STAG1: variants seen among roughly 807,000 people sequenced by gnomAD.
STAG1 encodes the protein cohesin subunit SA-1.
In STAG1, 26 loss-of-function variants were observed where a neutral mutation model predicts 170.9. That is an observed-to-expected ratio of 0.15 (90% confidence interval 0.11 to 0.21). The LOEUF is 0.21. Ranked by LOEUF, STAG1 falls within the 10% of genes least tolerant of loss-of-function variation. The probability of loss-of-function intolerance (pLI) is 1.00; values close to 1 mark genes in which losing one functional copy is unlikely to be tolerated. For missense variants in STAG1, 964 were observed against 1,509.5 expected (o/e 0.64, Z 5.99); for synonymous variants, 514 against 497.7 (o/e 1.03, Z -0.44).
intron 5 of STAG1, among the ~76,000 whole-genome samples, chr3:136,551,032 A>G (rs533647245): frequency 1.1e-4 from 16 of 152,152 alleles, no homozygotes; most frequent in African/African-American, 3.9e-4. Context: ...CTCCTTTGTA[A>G]ATTACATTTC....
At chr3:136,562,291 G>A (rs1576609561) in intron 5 of STAG1, among the ~76,000 whole-genome samples, 2 of 145,360 alleles carry the variant, frequency 1.4e-5, no homozygotes, top group African/African-American at 2.6e-5. Flanking sequence ...ACAGAGTTTC[G>A]CTCCTGTTGC....
intron 9 of STAG1, among the ~76,000 whole-genome samples, chr3:136,496,368 G>T (rs1178869807): frequency 6.6e-6 from 1 of 152,044 alleles, no homozygotes; most frequent in Non-Finnish European, 1.5e-5. Context: ...GTATCTATAG[G>T]TATCTATTCA....
At chr3:136,673,537 A>G (rs1486385807) in intron 1 of STAG1, among the ~76,000 whole-genome samples, 3 of 152,192 alleles carry the variant, frequency 2.0e-5, no homozygotes, top group African/African-American at 7.2e-5. Flanking sequence ...GTGTGGTTTG[A>G]AAAACTGTAA....
intron 23 of STAG1, among the ~76,000 whole-genome samples, chr3:136,370,290 G>T (rs544171388): frequency 7.5e-4 from 114 of 152,220 alleles, no homozygotes; most frequent in Middle Eastern, 3.4e-3. Flanking sequence ...GGAGGTGGAA[G>T]ACACTGATAC....
intron 1 of STAG1, among the ~76,000 whole-genome samples, chr3:136,690,082 A>T (rs1053487813): frequency 6.7e-6 from 1 of 148,542 alleles, no homozygotes; most frequent in Non-Finnish European, 1.5e-5. Context: ...AAAAAAAAGT[A>T]AAGAAAAGAG....
At chr3:136,386,708 G>C (rs1463822229) in intron 22 of STAG1, among the ~76,000 whole-genome samples, 1 of 151,536 alleles carries the variant, frequency 6.6e-6, no homozygotes, top group Non-Finnish European at 1.5e-5. Flanking sequence ...TTTTTTTTTG[G>C]TATTTTTTTG....
rs577585310 is a variant in STAG1, at chr3:136,585,627, AAATT to A, written c.298-16770_298-16767del. ...TAATAATAATAATAATAAAAAAATA[AAATT>A]AATCAATTCCAATTTTTTCCTTTTC... On this transcript the variant is annotated intron_variant, in intron 4 of 33. Transcript: ENST00000383202. Among the ~76,000 whole-genome samples, 10 of 151,848 alleles carry A rather than the reference AAATT, an allele frequency of 6.6e-5. No homozygotes were observed. In the South Asian group the frequency reaches 1.9e-3, roughly 28 times the overall value.
At chr3:136,385,280 T>C (rs2086841730) in intron 22 of STAG1, among the ~76,000 whole-genome samples, 1 of 152,042 alleles carries the variant, frequency 6.6e-6, no homozygotes, top group African/African-American at 2.4e-5. Flanking sequence ...AAGACCTGTC[T>C]CTACAATATA....
intron 16 of STAG1, among the ~76,000 whole-genome samples, chr3:136,427,246 A>T (rs547592007): frequency 1.3e-5 from 2 of 152,116 alleles, no homozygotes; most frequent in Non-Finnish European, 2.9e-5. Context: ...AAAAAAAGAT[A>T]TAGTATTAAT....
intron 15 of STAG1, among the ~76,000 whole-genome samples, chr3:136,442,578 C>G (rs1478998722): frequency 6.6e-6 from 1 of 151,390 alleles, no homozygotes; most frequent in Non-Finnish European, 1.5e-5. Flanking sequence ...TGATTTTTAT[C>G]TTAAAGAAAA....
intron 7 of STAG1, among the ~76,000 whole-genome samples, chr3:136,516,847 G>C (rs762744942): frequency 6.6e-6 from 1 of 152,138 alleles, no homozygotes; most frequent in Non-Finnish European, 1.5e-5. Flanking sequence ...TTAAGGACTT[G>C]TCCAAGGTTA....
At chr3:136,467,179 G>C (rs140329089) in intron 12 of STAG1, among the ~76,000 whole-genome samples, 1 of 152,080 alleles carries the variant, frequency 6.6e-6, no homozygotes, top group Admixed American at 6.6e-5. Flanking sequence ...AAATGTAAAT[G>C]GGCTAAATGC....
At chr3:136,523,946 A>T (rs935171468) in intron 6 of STAG1, among the ~76,000 whole-genome samples, 4 of 148,422 alleles carry the variant, frequency 2.7e-5, no homozygotes, top group Admixed American at 6.9e-5. Flanking sequence ...TCTGTTCCAT[A>T]GGTCTACATC....
intron 29 of STAG1, among the ~76,000 whole-genome samples, chr3:136,347,828 G>A (rs1033776464): frequency 2.0e-5 from 3 of 152,146 alleles, no homozygotes; most frequent in African/African-American, 7.2e-5. Flanking sequence ...AATATTCACG[G>A]GAACTGACAG....
At chr3:136,539,488 T>C (rs191827287) in intron 6 of STAG1, among the ~76,000 whole-genome samples, 1 of 152,272 alleles carries the variant, frequency 6.6e-6, no homozygotes, top group South Asian at 2.1e-4. Flanking sequence ...ATATATTAAA[T>C]GTGTTTTGTT....
At chr3:136,505,472 TAATA>T (rs1201978877) in intron 7 of STAG1, among the ~76,000 whole-genome samples, 1 of 152,246 alleles carries the variant, frequency 6.6e-6, no homozygotes, top group Non-Finnish European at 1.5e-5. Flanking sequence ...CTGTTGATTT[TAATA>T]ACATGACACT....
intron 12 of STAG1, among the ~76,000 whole-genome samples, chr3:136,466,976 C>A (rs539839118): frequency 1.3e-5 from 2 of 152,150 alleles, no homozygotes; most frequent in Middle Eastern, 3.2e-3. Flanking sequence ...CACCACCAAG[C>A]CTGCCCTACA....
At chr3:136,503,766 G>A (rs1334124737) in intron 7 of STAG1, among the ~76,000 whole-genome samples, 2 of 151,044 alleles carry the variant, frequency 1.3e-5, no homozygotes, top group Admixed American at 6.6e-5. Flanking sequence ...TTGGAGTTTC[G>A]CTCTTGTTGC....
intron 1 of STAG1, among the ~76,000 whole-genome samples, chr3:136,713,194 A>C (rs1219004070): frequency 6.6e-6 from 1 of 152,220 alleles, no homozygotes. Context: ...AATGTGGCGT[A>C]ATCACACAAG....
Sources: gnomAD v4.1 joint callset for allele counts (sites outside exome capture counted in the v4.1 genomes callset) on GRCh38, gnomAD v4.1.1 for gene constraint, MANE v1.5 for transcripts, NCBI Gene and HGNC (gene_info 2026-07-23, HGNC 2026-07-21) for gene names.